The following DOCK1 variants were observed in gnomAD, a reference collection of about 807,000 sequenced individuals.
DOCK1 encodes dedicator of cytokinesis 1, also known as dedicator of cytokinesis protein 1.
DOCK1 carries 138 observed loss-of-function variants against 262.7 expected under a neutral mutation model. The ratio of observed to expected loss-of-function variants is 0.53; its 90% confidence interval spans 0.46 to 0.61. The LOEUF is 0.61. DOCK1 is among the 20% of genes least tolerant of loss of function. The probability of loss-of-function intolerance (pLI) is 0.00; values close to 1 mark genes in which losing one functional copy is unlikely to be tolerated. For missense variants in DOCK1, 1,908 were observed against 2,370.7 expected (o/e 0.80, Z 4.05); for synonymous variants, 866 against 867.4 (o/e 1.00, Z 0.03).
chr10:127,126,625 C>G (rs1055615149), intron 26 of DOCK1, among the ~76,000 whole-genome samples: 1 of 152,078 alleles, frequency 6.6e-6, no homozygotes, highest in Non-Finnish European at 1.5e-5. Context: ...AAAGTCTGAC[C>G]CTGTGCCTTT....
chr10:127,386,356 C>T (rs929575361), intron 38 of DOCK1, among the ~76,000 whole-genome samples: 17 of 152,266 alleles, frequency 1.1e-4, no homozygotes, highest in Admixed American at 9.8e-4. Context: ...TGGTACAGGT[C>T]GTGGCCTGTT....
At chr10:127,237,563 G>A (rs1332581528) in intron 27 of DOCK1, among the ~76,000 whole-genome samples, 3 of 152,072 alleles carry the variant, frequency 2.0e-5, no homozygotes, top group Non-Finnish European at 4.4e-5. Flanking sequence ...GCATGCATAT[G>A]GTGGAGCTTT....
At chr10:126,946,866 T>C (rs1011790285) in intron 1 of DOCK1, among the ~76,000 whole-genome samples, 10 of 152,240 alleles carry the variant, frequency 6.6e-5, no homozygotes, top group Non-Finnish European at 1.3e-4. Flanking sequence ...TGTGAACAAC[T>C]TGTCCACTCT....
intron 29 of DOCK1, among the ~76,000 whole-genome samples, chr10:127,325,277 C>T (rs2062704456): frequency 6.6e-6 from 1 of 152,212 alleles, no homozygotes; most frequent in African/African-American, 2.4e-5. Flanking sequence ...TGGCAAGCAA[C>T]TGACAAGCTT....
rs1210297135 is a variant in DOCK1, at chr10:127,322,476, A to G, written c.3045-16530A>G. ...AAGTGCTGGATTACAGGAATGAGCC[A>G]CTGCACCCAGCTGGCACACACATAA... On this transcript the variant is annotated intron_variant, in intron 29 of 51. Coordinates refer to ENST00000623213, the MANE Select transcript of DOCK1 (RefSeq NM_001290223.2). 2.0e-5 allele frequency among the ~76,000 whole-genome samples: 3 copies of G among 152,268 alleles called. No individual in the cohort carries two copies. In the South Asian group the frequency reaches 6.2e-4, roughly 32 times the overall value.
At chr10:127,010,082 A>G (rs556068777) in intron 11 of DOCK1, among the ~76,000 whole-genome samples, 1 of 150,720 alleles carries the variant, frequency 6.6e-6, no homozygotes, top group African/African-American at 2.4e-5. Flanking sequence ...AGCATGCACA[A>G]CTAGAGGCAA....
At position 127,010,755 on chromosome 10, in the gene DOCK1, A is replaced by G. The variant is rs146357111; in HGVS notation, c.1059-1477A>G. ...ATGGGCAGATATTGAGGTCATAAAT[A>G]AAATACACCTTTGTAAAATTATAAT... On this transcript the variant is annotated intron_variant, in intron 11 of 51. Coordinates refer to ENST00000623213, the MANE Select transcript of DOCK1 (RefSeq NM_001290223.2). Among the ~76,000 whole-genome samples, 4 of 152,352 alleles carry G rather than the reference A, an allele frequency of 2.6e-5. No individual in the cohort carries two copies. The East Asian group carries it at 7.7e-4, about 29-fold the overall frequency.
chr10:127,236,805 T>C (rs1290130797), intron 27 of DOCK1, among the ~76,000 whole-genome samples: 2 of 152,104 alleles, frequency 1.3e-5, no homozygotes, highest in African/African-American at 2.4e-5. Context: ...CCACCATTCA[T>C]TTATGTAGCC....
chr10:127,413,001 C>A (rs2067949044), intron 43 of DOCK1, among the ~76,000 whole-genome samples: 1 of 152,220 alleles, frequency 6.6e-6, no homozygotes, highest in African/African-American at 2.4e-5. Flanking sequence ...AACCTAGGCA[C>A]GTCCAACCTG....
intron 29 of DOCK1, 104 bp from the exon 30 acceptor site, chr10:127,338,902 T>C: frequency 1.0e-6 from 1 of 990,506 alleles, no homozygotes; most frequent in Non-Finnish European, 1.5e-6. Context: ...ACTTGGAGAG[T>C]TCACATTCCA....
intron 23 of DOCK1, among the ~76,000 whole-genome samples, chr10:127,087,420 CAG>C (rs769069603): frequency 5.3e-4 from 81 of 152,078 alleles, no homozygotes; most frequent in Admixed American, 1.2e-3. Context: ...CTGATGCTAA[CAG>C]GGGCAGGGGA....
In DOCK1 at chr10:126,981,972, G is replaced by T; in HGVS notation, c.226G>T (p.Gly76Trp). The T allele has an allele frequency of 6.2e-7, 1 of 1,613,704 alleles. No individual in the cohort carries two copies. Among genetic ancestry groups the T allele is most frequent in the Middle Eastern group, 1.6e-4 (1 of 6,062 alleles). Residue 76 changes from glycine (G) to tryptophan (W), a missense_variant and splice_region_variant, in exon 4 of 52, where the codon GGG (glycine) becomes TGG (tryptophan). Physicochemically the swap from Gly to Trp is radical, Grantham distance 184. Coordinates refer to ENST00000623213, the MANE Select transcript of DOCK1 (RefSeq NM_001290223.2). ...TAAAGAAGCGATAGTTGAAGGAAAA[G>T]GGTGAGTCTGGTCTTGATGTTTAAA... ...HLKEAIVEGK[G>W]QHETVIPGDL...
chr10:127,416,745 A>G (rs1172363083), intron 44 of DOCK1, among the ~76,000 whole-genome samples: 2 of 152,236 alleles, frequency 1.3e-5, no homozygotes, highest in Non-Finnish European at 2.9e-5. Context: ...CAGGGAGGTA[A>G]CAGTCAGTCC....
At chr10:127,339,695 T>TTGTGTGTGTG (rs112206811) in intron 30 of DOCK1, among the ~76,000 whole-genome samples, 20 of 109,730 alleles carry the variant, frequency 1.8e-4, no homozygotes, top group African/African-American at 3.0e-4. Context: ...CTGGCCTGAT[T>TTGTGTGTGTG]TGTGTGTGTG....
At position 127,176,122 on chromosome 10, in the gene DOCK1, C is replaced by G; in HGVS notation, c.2847+48358C>G. On this transcript the variant is annotated intron_variant, in intron 27 of 51. Transcript: ENST00000623213. The surrounding 1 kb of genome is among the most constrained non-coding windows in gnomAD (Gnocchi z 4.4). Reference sequence around the variant, plus strand: ...GTGACGTTGGGGATGGACCTGCGTGCGGGCACTGTCATGTATTTGCGGTAG... The same window carrying G: ...GTGACGTTGGGGATGGACCTGCGTGGGGGCACTGTCATGTATTTGCGGTAG... The G allele has an allele frequency of 6.2e-7, 1 of 1,614,074 alleles. No homozygotes were observed. Among genetic ancestry groups the G allele is most frequent in the Non-Finnish European group, 8.5e-7 (1 of 1,180,020 alleles).
At chr10:127,260,081 A>T (rs1004007864) in intron 29 of DOCK1, among the ~76,000 whole-genome samples, 2 of 152,096 alleles carry the variant, frequency 1.3e-5, no homozygotes, top group Admixed American at 1.3e-4. Flanking sequence ...TGGAATCATG[A>T]ATTTGCTGCA....
intron 50 of DOCK1, among the ~76,000 whole-genome samples, chr10:127,444,975 C>T (rs1236949285): frequency 6.6e-6 from 1 of 151,940 alleles, no homozygotes; most frequent in Non-Finnish European, 1.5e-5. Flanking sequence ...CTTACAAGGA[C>T]ATCAGTCATT....
At chr10:127,419,851 A>C (rs1480800736) in intron 46 of DOCK1, 102 bp downstream of exon 46, 5 of 1,230,720 alleles carry the variant, frequency 4.1e-6, no homozygotes, top group Non-Finnish European at 4.6e-6. Context: ...CCTGGGCTGC[A>C]GTCCTGATGC....
chr10:126,950,017 G>A (rs1235706242), intron 1 of DOCK1, among the ~76,000 whole-genome samples: 6 of 151,902 alleles, frequency 3.9e-5, no homozygotes, highest in South Asian at 2.1e-4. Context: ...TTCTAGACCT[G>A]CGTCTTTGAG....
Sources: gnomAD v4.1 joint callset for allele counts (sites outside exome capture counted in the v4.1 genomes callset) on GRCh38, gnomAD v4.1.1 for gene constraint, Gnocchi (gnomAD v3.1) non-coding constraint, MANE v1.5 for transcripts, NCBI Gene and HGNC (gene_info 2026-07-23, HGNC 2026-07-21) for gene names.